Variants in ZMYM2 observed in about 807,000 individuals in gnomAD.
ZMYM2 encodes the protein zinc finger MYM-type protein 2.
ZMYM2 carries 56 observed loss-of-function variants against 162.8 expected under a neutral mutation model. That is an observed-to-expected ratio of 0.34 (90% CI 0.28 to 0.43). The LOEUF is 0.43. Among genes scored for constraint, ZMYM2 ranks in the 20% least tolerant of loss-of-function variants. The pLI, the probability that ZMYM2 is intolerant of heterozygous loss-of-function variation, is 1.00. For missense variants in ZMYM2, 1,275 were observed against 1,621.8 expected, an observed-to-expected ratio of 0.79 and a Z score of 3.67; for synonymous variants, 510 against 541.6, an observed-to-expected ratio of 0.94 and a Z score of 0.81.
intron 12 of ZMYM2, among the ~76,000 whole-genome samples, chr13:20,047,189 G>C (rs1269825989): frequency 6.6e-6 from 1 of 152,114 alleles, no homozygotes; most frequent in Non-Finnish European, 1.5e-5. Context: ...ATTCATCCTT[G>C]GTTTTGCTGC....
At chr13:20,065,706 A>T (rs1378996920) in intron 19 of ZMYM2, among the ~76,000 whole-genome samples, 2 of 152,110 alleles carry the variant, frequency 1.3e-5, no homozygotes, top group Non-Finnish European at 2.9e-5. Context: ...CAGGAGGAGG[A>T]TCGAGGCTGC....
At chr13:20,020,888 C>T (rs1952024838) in intron 7 of ZMYM2, among the ~76,000 whole-genome samples, 1 of 151,852 alleles carries the variant, frequency 6.6e-6, no homozygotes, top group African/African-American at 2.4e-5. Context: ...TCTTCTATTT[C>T]CTGCCTAATT....
chr13:19,969,904 G>A, intron 2 of ZMYM2: 1 of 370,282 alleles, frequency 2.7e-6, no homozygotes, highest in Non-Finnish European at 3.7e-6. Flanking sequence ...TGAAACAGAG[G>A]CAAGAGATTT....
At chr13:19,980,994 G>A (rs1312586571) in intron 2 of ZMYM2, among the ~76,000 whole-genome samples, 7 of 151,976 alleles carry the variant, frequency 4.6e-5, no homozygotes, top group African/African-American at 1.7e-4. Flanking sequence ...ATTTGAGGCC[G>A]GGCATGGTGG....
Position 20,062,988 on chromosome 13 carries a change from T to G in ZMYM2, c.3037+17T>G, listed in dbSNP as rs766466721. The G allele has an allele frequency of 6.3e-7, 1 of 1,587,780 alleles. No individual in the cohort carries two copies. The highest frequency in any genetic ancestry group is 1.2e-5 in the South Asian group (1 of 86,006). On this transcript the variant is annotated intron_variant, in intron 18 of 24. Transcript: ENST00000610343. ...TTCCCAGAGGTACTCAAAACCTTTATGACTATGGAATTTAGTTATGGAGTC... is the reference window on the plus strand; with the variant it reads ...TTCCCAGAGGTACTCAAAACCTTTAGGACTATGGAATTTAGTTATGGAGTC...
chr13:20,055,705 C>T (rs1955741516), intron 14 of ZMYM2, among the ~76,000 whole-genome samples: 1 of 152,072 alleles, frequency 6.6e-6, no homozygotes, highest in South Asian at 2.1e-4. Flanking sequence ...TGCCAGTCTA[C>T]CCGAGTGCTA....
chr13:20,060,329 G>C (rs982826170), intron 16 of ZMYM2, among the ~76,000 whole-genome samples: 1 of 152,160 alleles, frequency 6.6e-6, no homozygotes, highest in Admixed American at 6.5e-5. Context: ...GACATTTCGC[G>C]GATGTCTGTG....
At chr13:20,041,978 T>C (rs773549882) in intron 12 of ZMYM2, among the ~76,000 whole-genome samples, 1 of 152,210 alleles carries the variant, frequency 6.6e-6, no homozygotes, top group Non-Finnish European at 1.5e-5. Flanking sequence ...TCTCTCTAGC[T>C]GCCTTTTAAC....
At chr13:19,898,977 C>T in the ZMYM2 span, among the ~76,000 whole-genome samples, 7 of 143,852 alleles carry the variant, frequency 4.9e-5, no homozygotes, top group Middle Eastern at 7.8e-3. Context: ...CTCACTCTGT[C>T]GCCCAGGCTG....
the ZMYM2 span, among the ~76,000 whole-genome samples, chr13:19,887,332 C>A: frequency 2.0e-5 from 3 of 151,524 alleles, no homozygotes; most frequent in Admixed American, 1.3e-4. Context: ...AGTTCCAGAC[C>A]AGCCTGGCCA....
At chr13:19,881,442 CA>C in the ZMYM2 span, among the ~76,000 whole-genome samples, 44 of 151,138 alleles carry the variant, frequency 2.9e-4, no homozygotes, top group African/African-American at 1.0e-3. Flanking sequence ...GCCAACATGG[CA>C]AAAACCCATC....
chr13:19,966,951 GTC>G (rs1300702817), intron 2 of ZMYM2, among the ~76,000 whole-genome samples: 1 of 152,090 alleles, frequency 6.6e-6, no homozygotes, highest in Non-Finnish European at 1.5e-5. Flanking sequence ...TCCATCCTAT[GTC>G]TCTGTACGGT....
chr13:20,030,763 AC>A (rs1433767267), intron 9 of ZMYM2, among the ~76,000 whole-genome samples: 7 of 151,712 alleles, frequency 4.6e-5, no homozygotes, highest in Admixed American at 1.3e-4. Flanking sequence ...CGAACTCCTG[AC>A]CTTGGGTGAT....
chr13:19,937,678 T>C, the ZMYM2 span, among the ~76,000 whole-genome samples: 2 of 151,816 alleles, frequency 1.3e-5, no homozygotes, highest in Admixed American at 6.6e-5. Flanking sequence ...AAGGTACATG[T>C]GCACAACGTG....
chr13:19,902,894 C>T, the ZMYM2 span, among the ~76,000 whole-genome samples: 5 of 152,010 alleles, frequency 3.3e-5, no homozygotes, highest in Non-Finnish European at 7.4e-5. Context: ...CGGTGGCTCA[C>T]GCCTGTAATC....
intron 17 of ZMYM2, among the ~76,000 whole-genome samples, chr13:20,061,920 T>G (rs1249680784): frequency 2.6e-5 from 4 of 152,094 alleles, no homozygotes; most frequent in African/African-American, 9.7e-5. Context: ...ATAAAATAAT[T>G]TGCATTATCT....
At chr13:19,966,844 G>T (rs538955542) in intron 2 of ZMYM2, among the ~76,000 whole-genome samples, 10 of 152,278 alleles carry the variant, frequency 6.6e-5, no homozygotes, top group Middle Eastern at 6.8e-3. Flanking sequence ...ACTTTACTAT[G>T]AATATTGTCT....
intron 6 of ZMYM2, among the ~76,000 whole-genome samples, chr13:20,017,493 T>C (rs9578250): frequency 0.088 from 13,342 of 152,290 alleles, 860 homozygotes; most frequent in African/African-American, 0.17. Flanking sequence ...GCTAACCTTC[T>C]ATCTGTAGAT....
At chr13:19,931,046 G>A in the ZMYM2 span, among the ~76,000 whole-genome samples, 1 of 151,260 alleles carries the variant, frequency 6.6e-6, no homozygotes, top group African/African-American at 2.4e-5. Flanking sequence ...GGCTGAGGCA[G>A]GAGAATGGCG....
Sources: allele counts gnomAD v4.1 joint callset (sites outside exome capture counted in the v4.1 genomes callset), GRCh38; gene constraint gnomAD v4.1.1; transcripts MANE v1.5; gene names NCBI Gene and HGNC (gene_info 2026-07-23, HGNC 2026-07-21).